Variants in SYDE2 observed in about 807,000 individuals in gnomAD.
SYDE2 encodes the protein synapse defective Rho GTPase homolog 2, also known as rho GTPase-activating protein SYDE2.
Under a neutral mutation model 91.5 loss-of-function variants are expected in SYDE2, and 76 were observed. The observed-to-expected ratio is 0.83, with a 90% CI of 0.69 to 1.01. The LOEUF (loss-of-function observed/expected upper bound fraction) is 1.01. Ranked by LOEUF, SYDE2 falls within the 50% of genes least tolerant of loss-of-function variation. The pLI is 0.00. For missense variants in SYDE2, 1,364 were observed against 1,367.7 expected (o/e 1.00, Z 0.04); for synonymous variants, 513 against 506.4 (o/e 1.01, Z -0.18).
At chr1:85,179,337 T>G (rs961158072) in intron 3 of SYDE2, among the ~76,000 whole-genome samples, 1 of 152,220 alleles carries the variant, frequency 6.6e-6, no homozygotes, top group South Asian at 2.1e-4. Context: ...CAGGGTTACT[T>G]ATGATACTAA....
intron 5 of SYDE2, among the ~76,000 whole-genome samples, chr1:85,165,225 C>A (rs916880757): frequency 6.6e-6 from 1 of 151,928 alleles, no homozygotes; most frequent in African/African-American, 2.4e-5. Flanking sequence ...CTGAACGAGA[C>A]CCTGTCAAAA....
At chr1:85,171,426 G>A (rs1192936944) in intron 4 of SYDE2, among the ~76,000 whole-genome samples, 1 of 152,150 alleles carries the variant, frequency 6.6e-6, no homozygotes, top group African/African-American at 2.4e-5. Flanking sequence ...AGTGGCAAAA[G>A]TGAGGCCAAG....
chr1:85,165,124 C>A (rs1009856809), intron 5 of SYDE2, among the ~76,000 whole-genome samples: 1 of 152,076 alleles, frequency 6.6e-6, no homozygotes, highest in African/African-American at 2.4e-5. Flanking sequence ...ATCCCGGCTA[C>A]TCGGGAGGCT....
chr1:85,160,061 G>C (rs1162400725), intron 6 of SYDE2: 1 of 983,456 alleles, frequency 1.0e-6, no homozygotes, highest in African/African-American at 1.8e-5. Flanking sequence ...AAATATTTAA[G>C]GCTATTCTGT....
chr1:85,166,049 A>AT (rs1657260422), intron 5 of SYDE2, among the ~76,000 whole-genome samples: 1 of 151,680 alleles, frequency 6.6e-6, no homozygotes, highest in African/African-American at 2.4e-5. Flanking sequence ...ATTTTTAAAA[A>AT]TTTTTTTGTA....
chr1:85,161,483 T>C (rs1657056214), intron 6 of SYDE2, among the ~76,000 whole-genome samples: 1 of 152,080 alleles, frequency 6.6e-6, no homozygotes, highest in Admixed American at 6.5e-5. Flanking sequence ...CCCAGCACTT[T>C]GGGAGGCCAA....
At chr1:85,161,466 C>G (rs554987238) in intron 6 of SYDE2, among the ~76,000 whole-genome samples, 1 of 152,252 alleles carries the variant, frequency 6.6e-6, no homozygotes, top group South Asian at 2.1e-4. Flanking sequence ...TGGCTCACGC[C>G]TGTAATCCCA....
At chr1:85,155,881 G>C (rs770383974), downstream of SYDE2, among the ~76,000 whole-genome samples, 13 of 152,168 alleles carry the variant, frequency 8.5e-5, no homozygotes, top group Non-Finnish European at 1.5e-4. Context: ...CTTAAGAGAA[G>C]TTAGGAGGTA....
At chr1:85,186,395 G>C (rs1267210516) in intron 2 of SYDE2, among the ~76,000 whole-genome samples, 2 of 152,090 alleles carry the variant, frequency 1.3e-5, no homozygotes, top group African/African-American at 2.4e-5. Context: ...TTGTACCTCT[G>C]GTAGAATCTG....
intron 1 of SYDE2, among the ~76,000 whole-genome samples, chr1:85,195,282 T>C (rs996279189): frequency 1.3e-5 from 2 of 152,202 alleles, no homozygotes; most frequent in African/African-American, 4.8e-5. Flanking sequence ...AAGTATCTTA[T>C]GAACACTGTA....
At chr1:85,159,352 C>T in intron 6 of SYDE2, 103 bp from the exon 7 acceptor site, 2 of 673,362 alleles carry the variant, frequency 3.0e-6, no homozygotes, top group Non-Finnish European at 2.6e-6. Context: ...TACAAACATG[C>T]ATTAAAACAA....
At chr1:85,186,238 G>A (rs1244780666) in intron 2 of SYDE2, among the ~76,000 whole-genome samples, 6 of 152,156 alleles carry the variant, frequency 3.9e-5, no homozygotes, top group Admixed American at 3.9e-4. Context: ...GTTCATCAAG[G>A]ATATTGGTCT....
chr1:85,173,510 T>A (rs1020431145), intron 4 of SYDE2, among the ~76,000 whole-genome samples: 1 of 152,188 alleles, frequency 6.6e-6, no homozygotes, highest in Non-Finnish European at 1.5e-5. Flanking sequence ...ACACAGTATA[T>A]AGCAGAGTTT....
Position 85,158,740 on chromosome 1 carries a change from A to G in SYDE2, c.*10T>C, listed in dbSNP as rs79898762. ...AAACTTTAAGACATTACAAAAAAAA[A>G]CCCTCAATCTCAAAAACTCATATTA... On this transcript the variant is annotated 3_prime_UTR_variant, in exon 7 of 7. Coordinates refer to ENST00000341460, the MANE Select transcript of SYDE2 (RefSeq NM_032184.2). 8 of 712,558 alleles carry G rather than the reference A, an allele frequency of 1.1e-5. No homozygotes were observed. The highest frequency in any genetic ancestry group is 1.8e-5 in the African/African-American group (1 of 55,938). 44.1% of individuals were successfully genotyped at this position (712,558 alleles called of 1,614,324 possible). A position where few individuals can be genotyped will look rare whatever the true frequency, so the allele number is the denominator to read the frequency against.
At chr1:85,180,689 C>CA (rs142525630) in intron 3 of SYDE2, among the ~76,000 whole-genome samples, 31,923 of 117,070 alleles carry the variant, frequency 0.27, 4,279 homozygotes, top group African/African-American at 0.42. Flanking sequence ...GAATCCGTCT[C>CA]AAAAAAAAAA....
At chr1:85,198,108 T>C (rs995955384) in intron 1 of SYDE2, among the ~76,000 whole-genome samples, 8 of 152,180 alleles carry the variant, frequency 5.3e-5, no homozygotes, top group African/African-American at 1.9e-4. Flanking sequence ...ATCAGACCTT[T>C]AAAGAACTCT....
intron 6 of SYDE2, among the ~76,000 whole-genome samples, chr1:85,162,378 C>T (rs148543606): frequency 1.3e-5 from 2 of 152,266 alleles, no homozygotes; most frequent in African/African-American, 4.8e-5. Context: ...ATGTCACCAT[C>T]AACTTTCTCA....
chr1:85,178,257 G>C lies in SYDE2; in HGVS notation c.2560C>G (p.Arg854Gly), dbSNP rs753415774. 1.0e-5 allele frequency: 16 copies of C among 1,576,122 alleles called. No homozygotes were observed. The highest frequency in any genetic ancestry group is 1.0e-5 in the Non-Finnish European group (12 of 1,160,034). Residue 854 changes from arginine (R) to glycine (G), a missense_variant, in exon 4 of 7, where the codon CGA (arginine) becomes GGA (glycine). Arg to Gly is a moderately radical substitution (Grantham distance 125). Transcript: ENST00000341460. ...TTGACTGCTGCCGAACCACATAATC[G>C]ATACAGGCCTACTACCTAGGAATAA... ...KRGCQVVGLY[R>G]LCGSAAVKKE... is the part of the protein sequence containing the mutation.
At chr1:85,155,675 T>C (rs1008336726), downstream of SYDE2, among the ~76,000 whole-genome samples, 3 of 152,176 alleles carry the variant, frequency 2.0e-5, no homozygotes, top group Non-Finnish European at 4.4e-5. Context: ...CTTAAGGATA[T>C]AAGATAGATA....
Sources: allele counts gnomAD v4.1 joint callset (sites outside exome capture counted in the v4.1 genomes callset), GRCh38; gene constraint gnomAD v4.1.1; transcripts MANE v1.5; gene names NCBI Gene and HGNC (gene_info 2026-07-23, HGNC 2026-07-21).